Variants in NECTIN3 observed in about 807,000 individuals in gnomAD.
NECTIN3 encodes nectin-3.
NECTIN3 carries 8 observed loss-of-function variants against 49.4 expected under a neutral mutation model. That is an observed-to-expected ratio of 0.16 (90% CI 0.10 to 0.29). NECTIN3 has a LOEUF of 0.29. Among genes scored for constraint, NECTIN3 ranks in the 10% least tolerant of loss-of-function variants. The probability of loss-of-function intolerance (pLI) is 1.00; values close to 1 mark genes in which losing one functional copy is unlikely to be tolerated. For missense variants in NECTIN3, 581 were observed against 654.6 expected (o/e 0.89, Z 1.23); for synonymous variants, 277 against 241.1 (o/e 1.15, Z -1.38).
At chr3:111,107,330 G>A (rs1392368546) in intron 1 of NECTIN3, among the ~76,000 whole-genome samples, 2 of 152,060 alleles carry the variant, frequency 1.3e-5, no homozygotes. Context: ...ACAGATAGGG[G>A]AATAAATGCT....
At chr3:111,116,534 G>A (rs2033695909) in intron 2 of NECTIN3, among the ~76,000 whole-genome samples, 1 of 152,050 alleles carries the variant, frequency 6.6e-6, no homozygotes, top group South Asian at 2.1e-4. Flanking sequence ...TTTTAGATTA[G>A]GGGTCTTTGA....
At chr3:111,120,501 T>C (rs2033898669) in intron 3 of NECTIN3, among the ~76,000 whole-genome samples, 1 of 152,240 alleles carries the variant, frequency 6.6e-6, no homozygotes, top group South Asian at 2.1e-4. Flanking sequence ...TGGACTGTTC[T>C]TTCAGCAACA....
At chr3:111,111,836 C>G (rs1197393754) in intron 1 of NECTIN3, among the ~76,000 whole-genome samples, 194 bp from the exon 2 acceptor site, 1 of 151,480 alleles carries the variant, frequency 6.6e-6, no homozygotes, top group Non-Finnish European at 1.5e-5. Context: ...TAGTTCATTT[C>G]TTTTTGTTAC....
At chr3:111,125,690 G>A (rs1307609722) in intron 4 of NECTIN3, among the ~76,000 whole-genome samples, 2 of 152,104 alleles carry the variant, frequency 1.3e-5, no homozygotes, top group African/African-American at 2.4e-5. Flanking sequence ...AGAGCACAGT[G>A]TCTATTTGCA....
chr3:111,100,773 A>G (rs1050752658), intron 1 of NECTIN3, among the ~76,000 whole-genome samples: 14 of 152,078 alleles, frequency 9.2e-5, no homozygotes, highest in Non-Finnish European at 1.9e-4. Context: ...TAAAATTGCA[A>G]CAGTTTCACA....
intron 2 of NECTIN3, among the ~76,000 whole-genome samples, chr3:111,117,223 CAAAGAA>C (rs1159860873): frequency 2.0e-5 from 3 of 151,944 alleles, no homozygotes; most frequent in Admixed American, 6.6e-5. Context: ...AAAGTTGAGT[CAAAGAA>C]AAAGTACAAA....
At chr3:111,141,886 C>T (rs1048319216), downstream of NECTIN3, among the ~76,000 whole-genome samples, 1 of 151,790 alleles carries the variant, frequency 6.6e-6, no homozygotes, top group Non-Finnish European at 1.5e-5. Context: ...TTTAAAAATG[C>T]CATGTTTATA....
At position 111,126,196 on chromosome 3, in the gene NECTIN3, A is replaced by G. The variant is rs372984600; in HGVS notation, c.930A>G (p.Gln310=). 4 of 1,586,416 alleles carry G rather than the reference A, an allele frequency of 2.5e-6. No homozygotes were observed. Among genetic ancestry groups the G allele is most frequent in the Non-Finnish European group, 2.6e-6 (3 of 1,170,882 alleles). The change falls in exon 5 of 6, where the codon CAA becomes CAG. Residue 310 remains glutamine (Q), a synonymous_variant. Coordinates refer to ENST00000485303, the MANE Select transcript of NECTIN3 (RefSeq NM_015480.3). The part of the protein sequence containing the change: ...FKSVWSRLDG[Q]WPDGLLASDN... ...TTTTAAAATCTAGGTTGGATGGACA[A>G]TGGCCTGATGGTTTATTGGCTTCAG... is the stretch of plus-strand genomic sequence containing the variant.
At chr3:111,143,691 A>G (rs2034805228) in intron 5 of NECTIN3, among the ~76,000 whole-genome samples, 1 of 151,940 alleles carries the variant, frequency 6.6e-6, no homozygotes, top group Non-Finnish European at 1.5e-5. Context: ...GATTATGTCA[A>G]TTTAAGTAAA....
At chr3:111,145,387 G>A (rs781516635) in intron 6 of NECTIN3, among the ~76,000 whole-genome samples, 27 of 152,062 alleles carry the variant, frequency 1.8e-4, no homozygotes, top group Non-Finnish European at 3.4e-4. Context: ...TATCTTTGAA[G>A]TTTTAATGGC....
chr3:111,149,459 A>ATGTGTGTGTGTGTGTGTGTG (rs56219611), intron 7 of NECTIN3, among the ~76,000 whole-genome samples: 5 of 128,404 alleles, frequency 3.9e-5, no homozygotes, highest in Admixed American at 8.0e-5. Flanking sequence ...TTCTGGTAGG[A>ATGTGTGTGTGTGTGTGTGTG]TGTGTGTGTG....
chr3:111,146,767 G>T (rs1048229757), intron 6 of NECTIN3, among the ~76,000 whole-genome samples: 11 of 152,080 alleles, frequency 7.2e-5, no homozygotes, highest in African/African-American at 2.4e-4. Context: ...TTTGTAAAAT[G>T]CAGAGAGCTA....
intron 1 of NECTIN3, chr3:111,074,104 TG>T: frequency 2.5e-6 from 1 of 393,672 alleles, no homozygotes; most frequent in Non-Finnish European, 5.1e-6. Context: ...CTTCCTTTTT[TG>T]GCTTATAGTG....
In NECTIN3 at chr3:111,134,597, ATGTT is replaced by A. The variant is rs2034512810; in HGVS notation, c.*388_*391del. 1.1e-6 allele frequency: 1 copy of A among 937,054 alleles called. No homozygotes were observed. Among genetic ancestry groups the A allele is most frequent in the African/African-American group, 1.8e-5 (1 of 56,046 alleles). 58.0% of individuals were successfully genotyped at this position (937,054 alleles called of 1,614,324 possible). ...ACCTAAGACTATAATCTCAAGTATG[ATGTT>A]TGTTTAACATATACCTCTCAAAATT... is the stretch of plus-strand genomic sequence containing the variant. On this transcript the variant is annotated 3_prime_UTR_variant, in exon 6 of 6. Transcript: ENST00000485303.
chr3:111,183,590 A>G (rs1238249593), intron 7 of NECTIN3, among the ~76,000 whole-genome samples: 2 of 152,196 alleles, frequency 1.3e-5, no homozygotes, highest in Non-Finnish European at 2.9e-5. Flanking sequence ...CTGGGATTAC[A>G]GGCGTGAGCC....
Position 111,136,899 on chromosome 3 carries a change from T to C in NECTIN3, c.*2684T>C. 2 of 965,630 alleles carry C rather than the reference T, an allele frequency of 2.1e-6. No homozygotes were observed. The highest frequency in any genetic ancestry group is 9.6e-5 in the South Asian group (2 of 20,914). 59.8% of individuals were successfully genotyped at this position (965,630 alleles called of 1,614,324 possible). A position where few individuals can be genotyped will look rare whatever the true frequency, so the allele number is the denominator to read the frequency against. On this transcript the variant is annotated 3_prime_UTR_variant, in exon 6 of 6. Transcript: ENST00000485303. ...GGCTCGGGGTTAACTTTAAAAGTGA[T>C]ATTTGAGAAGTGCTTTAGAGTTGAA...
chr3:111,148,329 G>A (rs545963926), intron 7 of NECTIN3, among the ~76,000 whole-genome samples: 2 of 152,268 alleles, frequency 1.3e-5, no homozygotes, highest in South Asian at 2.1e-4. Context: ...TCAGTTTACT[G>A]TCCAAGAATG....
At chr3:111,087,423 CT>C (rs2031995804) in intron 1 of NECTIN3, among the ~76,000 whole-genome samples, 2 of 152,156 alleles carry the variant, frequency 1.3e-5, no homozygotes, top group Admixed American at 6.5e-5. Flanking sequence ...GAGACCAAGG[CT>C]GGCGTATCAC....
chr3:111,099,790 A>G (rs1280500410), intron 1 of NECTIN3, among the ~76,000 whole-genome samples: 1 of 152,166 alleles, frequency 6.6e-6, no homozygotes, highest in African/African-American at 2.4e-5. Context: ...AAGAAATCAT[A>G]TAGCCTTGTA....
Sources: allele counts gnomAD v4.1 joint callset (sites outside exome capture counted in the v4.1 genomes callset), GRCh38; gene constraint gnomAD v4.1.1; transcripts MANE v1.5; gene names NCBI Gene and HGNC (gene_info 2026-07-23, HGNC 2026-07-21).